PCLO: variants seen among roughly 807,000 people sequenced by gnomAD.
The protein encoded by PCLO is protein piccolo.
Under a neutral mutation model 427.5 loss-of-function variants are expected in PCLO, and 82 were observed. The observed-to-expected ratio is 0.19, with a 90% confidence interval of 0.16 to 0.23. PCLO has a LOEUF of 0.23. Among genes scored for constraint, PCLO ranks in the 10% least tolerant of loss-of-function variants. The pLI, the probability that PCLO is intolerant of heterozygous loss-of-function variation, is 1.00. For missense variants in PCLO, 6,239 were observed against 6,115.9 expected (o/e 1.02, Z -0.67); for synonymous variants, 2,357 against 2,155.4 (o/e 1.09, Z -2.59).
At chr7:82,769,309 C>T (rs1437549237) in intron 22 of PCLO, among the ~76,000 whole-genome samples, 1 of 152,084 alleles carries the variant, frequency 6.6e-6, no homozygotes, top group Non-Finnish European at 1.5e-5. Flanking sequence ...TTATTGTCTA[C>T]ATAGGCACAT....
chr7:82,791,794 A>C (rs958737938), intron 22 of PCLO, among the ~76,000 whole-genome samples: 16 of 152,042 alleles, frequency 1.1e-4, no homozygotes, highest in Non-Finnish European at 1.9e-4. Flanking sequence ...ATATTTTCTT[A>C]TACAGAAAAT....
chr7:83,048,815 T>C (rs1348187068), intron 3 of PCLO, among the ~76,000 whole-genome samples: 1 of 152,118 alleles, frequency 6.6e-6, no homozygotes. Flanking sequence ...GCTCACATAT[T>C]CCTTTATGTT....
intron 3 of PCLO, among the ~76,000 whole-genome samples, chr7:83,133,794 CCAAA>C (rs1440822855): frequency 1.3e-5 from 2 of 151,876 alleles, no homozygotes; most frequent in African/African-American, 4.8e-5. Flanking sequence ...GCATATTCAA[CCAAA>C]CAAACTTCTT....
intron 3 of PCLO, among the ~76,000 whole-genome samples, chr7:83,121,748 C>A (rs1456805874): frequency 6.6e-6 from 1 of 151,834 alleles, no homozygotes; most frequent in African/African-American, 2.4e-5. Flanking sequence ...TTATAGATTT[C>A]AAGGAGAAAA....
Position 82,841,326 on chromosome 7 carries a change from C to T in PCLO, c.14097+133G>A. 3 of 652,754 alleles carry T rather than the reference C, an allele frequency of 4.6e-6. No homozygotes were observed. In the South Asian group the frequency reaches 5.4e-5, roughly 12 times the overall value. The allele number at this position is 652,754 out of a possible 1,614,324, so 40.4% of individuals were successfully genotyped here. On this transcript the variant is annotated intron_variant, in intron 14 of 24. Coordinates refer to ENST00000333891, the MANE Select transcript of PCLO (RefSeq NM_033026.6). ...ATTAATATACTATTCTATAAAATTG[C>T]ATTTTTCCTTTACAGTTCTGTATAT...
At chr7:82,979,892 C>A (rs75951276) in intron 3 of PCLO, among the ~76,000 whole-genome samples, 2,569 of 152,160 alleles carry the variant, frequency 0.017, 75 homozygotes, top group African/African-American at 0.058. Context: ...CACATAACAA[C>A]CAAAAGTGAA....
intron 3 of PCLO, among the ~76,000 whole-genome samples, chr7:82,991,852 G>A (rs1471331717): frequency 6.6e-6 from 1 of 151,854 alleles, no homozygotes; most frequent in Admixed American, 6.6e-5. Context: ...AGTTTCATAG[G>A]GCAATTATGT....
intron 3 of PCLO, among the ~76,000 whole-genome samples, chr7:83,047,573 A>G (rs747490999): frequency 6.6e-6 from 1 of 152,032 alleles, no homozygotes; most frequent in Non-Finnish European, 1.5e-5. Flanking sequence ...ACTGCTATAA[A>G]GAACCCACAA....
chr7:83,001,691 G>A (rs1255596581), intron 3 of PCLO, among the ~76,000 whole-genome samples: 7 of 152,006 alleles, frequency 4.6e-5, no homozygotes, highest in Non-Finnish European at 7.4e-5. Flanking sequence ...ACTGGGCTGG[G>A]CAGAACAAAA....
intron 22 of PCLO, among the ~76,000 whole-genome samples, chr7:82,781,250 T>A (rs1432797544): frequency 6.6e-6 from 1 of 151,788 alleles, no homozygotes; most frequent in African/African-American, 2.4e-5. Context: ...AATATATTTA[T>A]TATATTATGA....
chr7:83,093,497 T>A (rs1206806249), intron 3 of PCLO, among the ~76,000 whole-genome samples: 1,849 of 109,990 alleles, frequency 0.017, 83 homozygotes, highest in African/African-American at 0.059. Flanking sequence ...TATATATTTT[T>A]TTTTTTTTTT....
chr7:83,054,270 T>C (rs1361165642), intron 3 of PCLO, among the ~76,000 whole-genome samples: 1 of 152,052 alleles, frequency 6.6e-6, no homozygotes, highest in Non-Finnish European at 1.5e-5. Context: ...AACCAACACC[T>C]AGATGTGCTT....
At chr7:82,906,302 T>C (rs1427762887) in intron 8 of PCLO, among the ~76,000 whole-genome samples, 2 of 152,062 alleles carry the variant, frequency 1.3e-5, no homozygotes, top group African/African-American at 4.8e-5. Context: ...TTTATGAATA[T>C]GATTTCTTGT....
At chr7:82,904,206 T>C (rs1227485847) in intron 8 of PCLO, among the ~76,000 whole-genome samples, 3 of 151,982 alleles carry the variant, frequency 2.0e-5, no homozygotes, top group Non-Finnish European at 4.4e-5. Flanking sequence ...TATTCATATT[T>C]GTAACAAGTG....
chr7:82,909,109 T>A, intron 7 of PCLO, 96 bp from the exon 8 acceptor site: 1 of 1,182,794 alleles, frequency 8.5e-7, no homozygotes, highest in South Asian at 1.4e-5. Flanking sequence ...GCACTAGGCT[T>A]GTTAACCATA....
intron 3 of PCLO, among the ~76,000 whole-genome samples, chr7:83,012,621 G>GA (rs537818971): frequency 2.0e-3 from 134 of 66,708 alleles, no homozygotes; most frequent in Non-Finnish European, 2.8e-3. Flanking sequence ...CTGTCTCAAG[G>GA]AAAAAAAAAA....
At chr7:82,822,877 G>A (rs1320546415) in intron 19 of PCLO, among the ~76,000 whole-genome samples, 188 bp from the exon 20 acceptor site, 1 of 151,982 alleles carries the variant, frequency 6.6e-6, no homozygotes, top group Non-Finnish European at 1.5e-5. Flanking sequence ...GGGAGGAAAG[G>A]CAAAAGGATG....
intron 22 of PCLO, among the ~76,000 whole-genome samples, chr7:82,793,915 C>T (rs1791160584): frequency 1.3e-5 from 2 of 152,246 alleles, no homozygotes; most frequent in South Asian, 4.2e-4. Flanking sequence ...AGATAGGTAG[C>T]ATGGAAAGTA....
chr7:82,866,481 T>TA (rs1327953916), intron 10 of PCLO, among the ~76,000 whole-genome samples: 3 of 151,730 alleles, frequency 2.0e-5, no homozygotes, highest in South Asian at 2.1e-4. Flanking sequence ...CAATATGTAC[T>TA]AAAAAAAACT....
Sources: allele counts gnomAD v4.1 joint callset (sites outside exome capture counted in the v4.1 genomes callset), GRCh38; gene constraint gnomAD v4.1.1; transcripts MANE v1.5; gene names NCBI Gene and HGNC (gene_info 2026-07-23, HGNC 2026-07-21).